Variants in PCDH9 observed in about 807,000 individuals in gnomAD.
PCDH9 encodes the protein protocadherin-9.
A neutral mutation model predicts 70.6 loss-of-function variants in PCDH9; 24 were observed. That is an observed-to-expected ratio of 0.34 (90% confidence interval 0.25 to 0.48). PCDH9 has a LOEUF of 0.48. Among genes scored for constraint, PCDH9 ranks in the 20% least tolerant of loss-of-function variants. The pLI is 0.99. For missense variants in PCDH9, 1,281 were observed against 1,503.6 expected (o/e 0.85, Z 2.45); for synonymous variants, 562 against 558.5 (o/e 1.01, Z -0.09).
chr13:66,724,300 C>T (rs2078978007), intron 3 of PCDH9, among the ~76,000 whole-genome samples: 1 of 152,046 alleles, frequency 6.6e-6, no homozygotes, highest in African/African-American at 2.4e-5. Context: ...AAATTTGGAT[C>T]AGAATTACCA....
chr13:66,609,403 C>T (rs534021222), intron 4 of PCDH9, among the ~76,000 whole-genome samples: 3 of 152,154 alleles, frequency 2.0e-5, no homozygotes, highest in East Asian at 1.9e-4. Context: ...GTTATCTCCT[C>T]GTAGAACTTT....
At chr13:67,095,574 T>TA (rs2138224170) in intron 2 of PCDH9, among the ~76,000 whole-genome samples, 1 of 152,260 alleles carries the variant, frequency 6.6e-6, no homozygotes, top group East Asian at 1.9e-4. Flanking sequence ...AATTACAACT[T>TA]ACTAAATTCT....
intron 2 of PCDH9, among the ~76,000 whole-genome samples, chr13:66,930,153 C>T (rs1209306683): frequency 2.0e-5 from 3 of 152,114 alleles, no homozygotes; most frequent in African/African-American, 4.8e-5. Context: ...GTTCTATGCA[C>T]CTTTATTTTA....
intron 2 of PCDH9, among the ~76,000 whole-genome samples, chr13:67,092,552 C>A (rs1239773260): frequency 1.3e-5 from 2 of 152,084 alleles, no homozygotes; most frequent in Admixed American, 1.3e-4. Flanking sequence ...TGAACTACTG[C>A]CACTCTCATA....
At chr13:66,959,952 G>GTCATTTCTTAGTGACTCAGTATTCTA (rs1201010177) in intron 2 of PCDH9, among the ~76,000 whole-genome samples, 2 of 151,966 alleles carry the variant, frequency 1.3e-5, no homozygotes, top group African/African-American at 4.8e-5. Context: ...TAAGAACATT[G>GTCATTTCTTAGTGACTCAGTATTCTA]TCATTTCTTA....
In PCDH9 at chr13:66,578,004, A is replaced by G. The variant is rs371138108; in HGVS notation, c.3340+53206T>C. The stretch of plus-strand genomic sequence containing the variant: ...ACTGATTAGCTTGAAATCAAAATTA[A>G]TATTTGTCTCTATGTAAAATGTATA... On this transcript the variant is annotated intron_variant, in intron 4 of 4. Transcript: ENST00000377865. 5.3e-5 allele frequency among the ~76,000 whole-genome samples: 8 copies of G among 152,196 alleles called. No individual in the cohort carries two copies. In the South Asian group the frequency reaches 1.0e-3, roughly 20 times the overall value.
intron 3 of PCDH9, among the ~76,000 whole-genome samples, chr13:66,847,369 G>A (rs1333998104): frequency 6.6e-6 from 1 of 152,076 alleles, no homozygotes; most frequent in Non-Finnish European, 1.5e-5. Flanking sequence ...CCCTTATGAG[G>A]GGGATGTGTT....
intron 2 of PCDH9, among the ~76,000 whole-genome samples, chr13:67,018,616 CAAA>C (rs1555297704): frequency 2.6e-5 from 2 of 76,748 alleles, no homozygotes; most frequent in African/African-American, 5.3e-5. Flanking sequence ...AGACTCGTCT[CAAA>C]AAAAAAAAAA....
chr13:66,574,739 G>A (rs1323373657), intron 4 of PCDH9, among the ~76,000 whole-genome samples: 2 of 152,110 alleles, frequency 1.3e-5, no homozygotes, highest in African/African-American at 2.4e-5. Context: ...ACAATTTCTA[G>A]CCAGTCATTC....
chr13:66,526,149 CT>C lies in PCDH9; in HGVS notation c.3340+105060del, dbSNP rs569716231. Reference sequence around the variant, plus strand: ...TGTGTGTAAAACGAAGTTTCCATTTCTATCAGGAAGGGGAGAATGCTTCTAC... The same window carrying C: ...TGTGTGTAAAACGAAGTTTCCATTTCATCAGGAAGGGGAGAATGCTTCTAC... On this transcript the variant is annotated intron_variant, in intron 4 of 4. Coordinates refer to ENST00000377865, the MANE Select transcript of PCDH9 (RefSeq NM_203487.3). 3.9e-5 allele frequency among the ~76,000 whole-genome samples: 6 copies of C among 152,170 alleles called. No individual in the cohort carries two copies. The South Asian group carries it at 1.2e-3, about 32-fold the overall frequency.
At chr13:67,178,180 C>T (rs1210038488) in intron 2 of PCDH9, among the ~76,000 whole-genome samples, 1 of 152,010 alleles carries the variant, frequency 6.6e-6, no homozygotes, top group Non-Finnish European at 1.5e-5. Flanking sequence ...CCTACCTTAC[C>T]TATCTGTATA....
intron 2 of PCDH9, among the ~76,000 whole-genome samples, chr13:66,952,576 A>T (rs1353621381): frequency 6.6e-6 from 1 of 152,172 alleles, no homozygotes; most frequent in African/African-American, 2.4e-5. Flanking sequence ...CAAAGTATTA[A>T]ATGCAAGGTC....
chr13:67,116,559 A>G (rs1169337312), intron 2 of PCDH9, among the ~76,000 whole-genome samples: 3 of 151,776 alleles, frequency 2.0e-5, no homozygotes, highest in African/African-American at 4.8e-5. Context: ...CAACTTGAAT[A>G]AAAAAAAATT....
rs1339697218 is a variant in PCDH9 at position 67,075,093 on chromosome 13, ACTT to A, written c.3036+150309_3036+150311del. 4.6e-5 allele frequency among the ~76,000 whole-genome samples: 7 copies of A among 152,112 alleles called. No homozygotes were observed. The East Asian group carries it at 1.4e-3, about 29-fold the overall frequency. ...TGATAGTGACAAAAAAAAAAATGCAACTTCTTCTTTAAAATAAAATGCTTAGAA... is the reference window on the plus strand; with the variant it reads ...TGATAGTGACAAAAAAAAAAATGCAACTTCTTTAAAATAAAATGCTTAGAA... On this transcript the variant is annotated intron_variant, in intron 2 of 4. Transcript: ENST00000377865.
At chr13:67,081,564 A>G (rs1402589773) in intron 2 of PCDH9, among the ~76,000 whole-genome samples, 1 of 152,196 alleles carries the variant, frequency 6.6e-6, no homozygotes, top group Non-Finnish European at 1.5e-5. Context: ...GAAAAACTCC[A>G]TCTCAAGAAA....
intron 2 of PCDH9, among the ~76,000 whole-genome samples, chr13:66,959,745 C>T (rs1489088730): frequency 2.5e-5 from 3 of 120,032 alleles, no homozygotes; most frequent in South Asian, 2.6e-4. Context: ...AGTGAGACCC[C>T]GTCTCAAAAA....
chr13:67,081,884 T>C (rs984453353), intron 2 of PCDH9, among the ~76,000 whole-genome samples: 1 of 152,190 alleles, frequency 6.6e-6, no homozygotes, highest in Non-Finnish European at 1.5e-5. Flanking sequence ...TCTTCTTTCT[T>C]AAAATTTTTA....
intron 3 of PCDH9, among the ~76,000 whole-genome samples, chr13:66,716,130 G>A (rs1421298777): frequency 1.3e-5 from 2 of 152,182 alleles, no homozygotes; most frequent in Non-Finnish European, 2.9e-5. Flanking sequence ...TTATATCCCT[G>A]ATTTCTGATT....
At chr13:66,817,924 G>A (rs933812289) in intron 3 of PCDH9, among the ~76,000 whole-genome samples, 14 of 152,000 alleles carry the variant, frequency 9.2e-5, no homozygotes, top group African/African-American at 2.4e-4. Context: ...CACCACACCC[G>A]GTCTGATTTT....
Sources: gnomAD v4.1 joint callset for allele counts (sites outside exome capture counted in the v4.1 genomes callset) on GRCh38, gnomAD v4.1.1 for gene constraint, MANE v1.5 for transcripts, NCBI Gene and HGNC (gene_info 2026-07-23, HGNC 2026-07-21) for gene names.